Variants in APBA1 observed in about 807,000 individuals in gnomAD.
The protein encoded by APBA1 is amyloid-beta A4 precursor protein-binding family A member 1.
APBA1 carries 55 observed loss-of-function variants against 86.6 expected under a neutral mutation model. The ratio of observed to expected loss-of-function variants is 0.64; its 90% CI spans 0.51 to 0.80. The LOEUF (loss-of-function observed/expected upper bound fraction) is 0.80. APBA1 is among the 30% of genes least tolerant of loss of function. APBA1 has a pLI of 0.00. For synonymous variants in APBA1, 511 were observed against 493.9 expected, an observed-to-expected ratio of 1.03 and a Z score of -0.46; for missense variants, 1,090 against 1,183.0, an observed-to-expected ratio of 0.92 and a Z score of 1.15.
At chr9:69,503,583 A>G (rs1036993827) in intron 2 of APBA1, among the ~76,000 whole-genome samples, 7 of 152,122 alleles carry the variant, frequency 4.6e-5, no homozygotes, top group African/African-American at 1.7e-4. Context: ...GCATATTATT[A>G]TTGCATTTCT....
chr9:69,518,854 G>A (rs2133893074), intron 1 of APBA1, among the ~76,000 whole-genome samples: 1 of 152,136 alleles, frequency 6.6e-6, no homozygotes, highest in East Asian at 1.9e-4. Flanking sequence ...TTTCCTTCAA[G>A]CATTGATGAC....
intron 3 of APBA1, chr9:69,474,230 T>A (rs1835408696): frequency 6.6e-6 from 1 of 152,214 alleles, no homozygotes; most frequent in African/African-American, 2.4e-5. Context: ...CTTGTCCATG[T>A]AGTCTGTGAC....
chr9:69,658,264 CTT>C lies in APBA1; in HGVS notation c.-70+13887_-70+13888del, dbSNP rs780260549. ...TCTTTCTTTCTTTCTTTCTTTCTTT[CTT>C]TCTTTCTTTCTTTCTTTCTCTCTCT... On this transcript the variant is annotated intron_variant, in intron 1 of 12. Transcript: ENST00000265381. Among the ~76,000 whole-genome samples the C allele has an allele frequency of 2.8e-3, 185 of 65,854 alleles. 1 individual carries two copies. The highest frequency in any genetic ancestry group is 3.3e-3 in the Non-Finnish European group (101 of 31,074). 43.2% of individuals were successfully genotyped at this position (65,854 alleles called of 152,430 possible). A position where few individuals can be genotyped will look rare whatever the true frequency, so the allele number is the denominator to read the frequency against.
intron 1 of APBA1, among the ~76,000 whole-genome samples, chr9:69,609,054 T>A (rs1478633475): frequency 1.3e-5 from 2 of 152,246 alleles, no homozygotes; most frequent in African/African-American, 4.8e-5. Context: ...GGCTAGGCAC[T>A]ATAATGACTA....
rs1834512275 is a variant in APBA1, at chr9:69,427,756, ATATTT to A, written c.*3566_*3570del. ...CCACATTCCAGGCTCACGTGTAGAT[ATATTT>A]TATTTATATATTTATTTATATTTAT... On this transcript the variant is annotated 3_prime_UTR_variant, in exon 13 of 13. Transcript: ENST00000265381. The A allele has an allele frequency of 1.3e-5, 2 of 151,744 alleles. No homozygotes were observed. Among genetic ancestry groups the A allele is most frequent in the Admixed American group, 6.6e-5 (1 of 15,236 alleles). The allele number at this position is 151,744 out of a possible 1,614,324, so 9.4% of individuals were successfully genotyped here.
At chr9:69,606,266 G>T (rs1822469258) in intron 1 of APBA1, among the ~76,000 whole-genome samples, 1 of 152,160 alleles carries the variant, frequency 6.6e-6, no homozygotes, top group African/African-American at 2.4e-5. Flanking sequence ...CAACAGAGAA[G>T]GTAGAGGGGC....
chr9:69,622,735 C>T (rs1822845902), intron 1 of APBA1, among the ~76,000 whole-genome samples: 1 of 152,166 alleles, frequency 6.6e-6, no homozygotes, highest in Non-Finnish European at 1.5e-5. Flanking sequence ...TGTGTCTGTA[C>T]TTCTGTACGT....
At chr9:69,482,293 T>G (rs1260455700) in intron 2 of APBA1, among the ~76,000 whole-genome samples, 1 of 151,314 alleles carries the variant, frequency 6.6e-6, no homozygotes, top group African/African-American at 2.4e-5. Context: ...ACAAACAACC[T>G]CATCAAAAAG....
intron 1 of APBA1, among the ~76,000 whole-genome samples, chr9:69,660,594 A>G (rs1823735634): frequency 6.6e-6 from 1 of 152,228 alleles, no homozygotes; most frequent in Non-Finnish European, 1.5e-5. Flanking sequence ...ACTTTAAGGC[A>G]AGAATCTCAA....
In APBA1 at chr9:69,594,759, T is replaced by C. The variant is rs76649685; in HGVS notation, c.-70+77394A>G. ...ACTACTTTCCATCCAACATTTGTAG[T>C]TCTTTTCTGATGAGTAGACATTACC... is the stretch of plus-strand genomic sequence containing the variant. On this transcript the variant is annotated intron_variant, in intron 1 of 12. Transcript: ENST00000265381. 7.2e-4 allele frequency among the ~76,000 whole-genome samples: 109 copies of C among 152,276 alleles called. 4 individuals are homozygous for C. The East Asian group carries it at 0.02, about 28-fold the overall frequency.
intron 5 of APBA1, among the ~76,000 whole-genome samples, chr9:69,459,086 G>A (rs538423545): frequency 5.3e-5 from 8 of 152,282 alleles, no homozygotes; most frequent in East Asian, 1.9e-4. Flanking sequence ...TTACAGGCGC[G>A]AGCCACCGCG....
chr9:69,555,720 G>A (rs113520771), intron 1 of APBA1, among the ~76,000 whole-genome samples: 14 of 152,198 alleles, frequency 9.2e-5, no homozygotes, highest in African/African-American at 3.1e-4. Flanking sequence ...TAGAATTTTA[G>A]CAATGAGAAA....
intron 1 of APBA1, among the ~76,000 whole-genome samples, chr9:69,524,306 T>G (rs1836309261): frequency 1.3e-5 from 2 of 152,100 alleles, no homozygotes; most frequent in South Asian, 4.1e-4. Flanking sequence ...GTTGGTTATT[T>G]GAAAGGATAA....
intron 3 of APBA1, among the ~76,000 whole-genome samples, chr9:69,475,427 G>A (rs751432598): frequency 1.5e-4 from 23 of 152,268 alleles, no homozygotes; most frequent in Non-Finnish European, 2.5e-4. Flanking sequence ...GAGCAGAAGT[G>A]GAACATTTCC....
At chr9:69,530,243 G>C (rs986023858) in intron 1 of APBA1, among the ~76,000 whole-genome samples, 1 of 150,802 alleles carries the variant, frequency 6.6e-6, no homozygotes. Context: ...CAATAGCAAA[G>C]TTATGGAATC....
At chr9:69,474,579 A>C (rs1407285633) in intron 3 of APBA1, among the ~76,000 whole-genome samples, 2 of 152,214 alleles carry the variant, frequency 1.3e-5, no homozygotes, top group African/African-American at 4.8e-5. Flanking sequence ...CATGTGATAT[A>C]AGAATGAAGC....
intron 1 of APBA1, among the ~76,000 whole-genome samples, chr9:69,533,108 A>G (rs548376233): frequency 3.9e-5 from 6 of 152,344 alleles, no homozygotes; most frequent in Non-Finnish European, 8.8e-5. Context: ...TAACAGATAT[A>G]GAAAGAACTG....
At position 69,431,141 on chromosome 9, in the gene APBA1, G is replaced by GAAAAAAAAAAAAAAAAAAAAAAA. The variant is rs772262179; in HGVS notation, c.*185_*186insTTTTTTTTTTTTTTTTTTTTTTT. ...GTGCATACGAAACTTCCCTGGTATT[G>GAAAAAAAAAAAAAAAAAAAAAAA]AAAAAAAAAAAAAAAAAAAAGCAAA... is the stretch of plus-strand genomic sequence containing the variant. On this transcript the variant is annotated 3_prime_UTR_variant, in exon 13 of 13. Coordinates refer to ENST00000265381, the MANE Select transcript of APBA1 (RefSeq NM_001163.4). 1 of 266,026 alleles carries GAAAAAAAAAAAAAAAAAAAAAAA rather than the reference G, an allele frequency of 3.8e-6. No individual in the cohort carries two copies. The highest frequency in any genetic ancestry group is 6.5e-6 in the Non-Finnish European group (1 of 153,310). 16.5% of individuals were successfully genotyped at this position (266,026 alleles called of 1,614,324 possible). A position where few individuals can be genotyped will look rare whatever the true frequency, so the allele number is the denominator to read the frequency against.
chr9:69,575,594 C>A (rs1413718328), intron 1 of APBA1, among the ~76,000 whole-genome samples: 3 of 152,086 alleles, frequency 2.0e-5, no homozygotes, highest in Non-Finnish European at 4.4e-5. Flanking sequence ...CTGACAAAAA[C>A]AAGAAATAGG....
Sources: allele counts gnomAD v4.1 joint callset (sites outside exome capture counted in the v4.1 genomes callset), GRCh38; gene constraint gnomAD v4.1.1; transcripts MANE v1.5; gene names NCBI Gene and HGNC (gene_info 2026-07-23, HGNC 2026-07-21).